PXDNL: variants seen among roughly 807,000 people sequenced by gnomAD.
The protein encoded by PXDNL is probable oxidoreductase PXDNL.
A neutral mutation model predicts 150.8 loss-of-function variants in PXDNL; 145 were observed. The ratio of observed to expected loss-of-function variants is 0.96; its 90% CI spans 0.84 to 1.10. PXDNL has a LOEUF of 1.10. PXDNL is among the 50% of genes least tolerant of loss of function. The pLI, the probability that PXDNL is intolerant of heterozygous loss-of-function variation, is 0.00. For synonymous variants in PXDNL, 757 were observed against 725.7 expected, an observed-to-expected ratio of 1.04 and a Z score of -0.69; for missense variants, 2,087 against 1,873.9, an observed-to-expected ratio of 1.11 and a Z score of -2.10.
chr8:51,398,032 C>T (rs1267164992), intron 17 of PXDNL, among the ~76,000 whole-genome samples: 2 of 152,096 alleles, frequency 1.3e-5, no homozygotes, highest in Non-Finnish European at 2.9e-5. Context: ...TGAATGTAAG[C>T]TTCTGTTTCT....
chr8:51,419,277 T>G (rs958687021), intron 14 of PXDNL, among the ~76,000 whole-genome samples: 2 of 152,202 alleles, frequency 1.3e-5, no homozygotes, highest in Non-Finnish European at 2.9e-5. Context: ...ATTTAATAAA[T>G]TCTGGGTCAC....
rs1809404680 is a variant in PXDNL at position 51,436,222 on chromosome 8, A to G, written c.1526-9464T>C. 7.7e-6 allele frequency: 4 copies of G among 522,484 alleles called. No homozygotes were observed. The Admixed American group carries it at 8.0e-5, about 10-fold the overall frequency. The allele number at this position is 522,484 out of a possible 1,614,324, so 32.4% of individuals were successfully genotyped here. On this transcript the variant is annotated intron_variant, in intron 12 of 22. Transcript: ENST00000356297. ...CCAACCATTCGTGGGCCATGTGTTG[A>G]CTTTCACCATTTTGGATAATAGGAT...
At chr8:51,521,990 C>G (rs1043740306) in intron 4 of PXDNL, among the ~76,000 whole-genome samples, 1 of 152,100 alleles carries the variant, frequency 6.6e-6, no homozygotes, top group Non-Finnish European at 1.5e-5. Flanking sequence ...ATAAACATAA[C>G]TAAGAAAATT....
At chr8:51,508,773 C>A (rs1393329422) in intron 4 of PXDNL, among the ~76,000 whole-genome samples, 1 of 152,196 alleles carries the variant, frequency 6.6e-6, no homozygotes, top group Non-Finnish European at 1.5e-5. Context: ...CATGTGGCTG[C>A]CTAGTAGACA....
intron 1 of PXDNL, among the ~76,000 whole-genome samples, chr8:51,729,091 C>T (rs1585706049): frequency 6.6e-6 from 1 of 152,124 alleles, no homozygotes; most frequent in Non-Finnish European, 1.5e-5. Context: ...GGTTTGTAGC[C>T]TGAGAGCACA....
At chr8:51,584,882 A>C (rs923339844) in intron 3 of PXDNL, among the ~76,000 whole-genome samples, 1 of 152,166 alleles carries the variant, frequency 6.6e-6, no homozygotes. Context: ...TCAGAGATTT[A>C]GAAAGGGAAA....
intron 19 of PXDNL, among the ~76,000 whole-genome samples, chr8:51,360,119 T>C (rs1288595583): frequency 1.3e-5 from 2 of 150,066 alleles, no homozygotes; most frequent in African/African-American, 5.1e-5. Context: ...TATACATGTG[T>C]ACACTTACTC....
intron 8 of PXDNL, among the ~76,000 whole-genome samples, chr8:51,469,252 G>T (rs138123881): frequency 6.1e-4 from 93 of 152,122 alleles, no homozygotes; most frequent in Middle Eastern, 6.8e-3. Flanking sequence ...GATTACTTGG[G>T]AATGAAAGAT....
intron 1 of PXDNL, among the ~76,000 whole-genome samples, chr8:51,731,854 C>T (rs1468935588): frequency 1.3e-5 from 2 of 152,220 alleles, no homozygotes; most frequent in African/African-American, 4.8e-5. Flanking sequence ...CACAGGGCAT[C>T]AAGTCCTGAG....
chr8:51,635,029 T>C (rs1399374849), intron 2 of PXDNL, among the ~76,000 whole-genome samples: 1 of 152,080 alleles, frequency 6.6e-6, no homozygotes, highest in East Asian at 1.9e-4. Context: ...ATAGGGGTGG[T>C]GAGAGTAGGT....
intron 4 of PXDNL, among the ~76,000 whole-genome samples, chr8:51,501,130 G>A (rs768856575): frequency 1.1e-4 from 17 of 152,144 alleles, no homozygotes; most frequent in Admixed American, 8.5e-4. Flanking sequence ...ATCCTGGCCC[G>A]TATCCCATGC....
rs1305797660 is a variant in PXDNL at position 51,687,061 on chromosome 8, A to G, written c.165-32301T>C. Among the ~76,000 whole-genome samples, 3 of 152,312 alleles carry G rather than the reference A, an allele frequency of 2.0e-5. No individual in the cohort carries two copies. The East Asian group carries it at 5.8e-4, about 29-fold the overall frequency. The stretch of plus-strand genomic sequence containing the variant: ...TATTAATAACCAAAGGAATGCAAAT[A>G]CAATTTCTCATCTTGTGATAAGATG... On this transcript the variant is annotated intron_variant, in intron 1 of 22. Transcript: ENST00000356297.
chr8:51,319,917 G>T lies in PXDNL; in HGVS notation c.4366C>A (p.Pro1456Thr). Residue 1456 changes from proline to threonine, a missense_variant, in exon 23 of 23, where the codon CCA becomes ACA. Pro to Thr is a conservative substitution (Grantham distance 38). Transcript: ENST00000356297. ...TAGCGCTTCTCTGGGGAATCACTTGGCATTCCTCGGTCTCTGCAAACTGGA... is the reference window on the plus strand; with the variant it reads ...TAGCGCTTCTCTGGGGAATCACTTGTCATTCCTCGGTCTCTGCAAACTGGA... Reference protein sequence around the residue: ...CCPVCRDRGMPSDSPEKR With the variant: ...CCPVCRDRGMTSDSPEKR 1 of 1,549,910 alleles carries T rather than the reference G, an allele frequency of 6.5e-7. No individual in the cohort carries two copies.
At chr8:51,672,390 G>C (rs906122654) in intron 1 of PXDNL, among the ~76,000 whole-genome samples, 2 of 152,218 alleles carry the variant, frequency 1.3e-5, no homozygotes, top group Non-Finnish European at 2.9e-5. Flanking sequence ...GTTGTCAGAA[G>C]TTGGTCCATA....
At chr8:51,361,088 T>C (rs1418449965) in intron 19 of PXDNL, among the ~76,000 whole-genome samples, 3 of 152,222 alleles carry the variant, frequency 2.0e-5, no homozygotes, top group African/African-American at 7.2e-5. Flanking sequence ...CACTGCTTTC[T>C]CACAGCAACT....
chr8:51,600,312 GATA>G (rs1236530147), intron 2 of PXDNL, among the ~76,000 whole-genome samples: 1 of 98,536 alleles, frequency 1.0e-5, no homozygotes, highest in East Asian at 3.0e-4. Context: ...ATATGGTTTA[GATA>G]ATAAATTATA....
intron 4 of PXDNL, among the ~76,000 whole-genome samples, chr8:51,539,945 T>G (rs2130475612): frequency 6.6e-6 from 1 of 152,070 alleles, no homozygotes; most frequent in Non-Finnish European, 1.5e-5. Context: ...TACCTTTTTT[T>G]TTTTTTAGAC....
At chr8:51,418,956 G>A (rs1354050972) in intron 14 of PXDNL, among the ~76,000 whole-genome samples, 3 of 152,154 alleles carry the variant, frequency 2.0e-5, no homozygotes, top group African/African-American at 7.2e-5. Flanking sequence ...AAGGAAAGAC[G>A]AGGGAGGCTT....
At chr8:51,744,047 AAGGAAGG>A (rs1445440681) in intron 1 of PXDNL, among the ~76,000 whole-genome samples, 1 of 39,390 alleles carries the variant, frequency 2.5e-5, no homozygotes, top group African/African-American at 8.0e-5. Context: ...GGAAGGAAGG[AAGGAAGG>A]AAGGAAGGAA....
Sources: gnomAD v4.1 joint callset for allele counts (sites outside exome capture counted in the v4.1 genomes callset) on GRCh38, gnomAD v4.1.1 for gene constraint, MANE v1.5 for transcripts, NCBI Gene and HGNC (gene_info 2026-07-23, HGNC 2026-07-21) for gene names.